ERC2: variants seen among roughly 807,000 people sequenced by gnomAD.
The protein encoded by ERC2 is ELKS/RAB6-interacting/CAST family member 2.
ERC2 carries 42 observed loss-of-function variants against 114.8 expected under a neutral mutation model. That is an observed-to-expected ratio of 0.37 (90% CI 0.29 to 0.47). The LOEUF (loss-of-function observed/expected upper bound fraction) is 0.47, where lower values mean the gene tolerates loss of function less well. Among genes scored for constraint, ERC2 ranks in the 20% least tolerant of loss-of-function variants. The pLI, the probability that ERC2 is intolerant of heterozygous loss-of-function variation, is 0.99. For synonymous variants in ERC2, 454 were observed against 425.5 expected (o/e 1.07, Z -0.82); for missense variants, 939 against 1,150.7 (o/e 0.82, Z 2.66).
intron 2 of ERC2, among the ~76,000 whole-genome samples, chr3:56,325,767 T>C (rs2150437059): frequency 6.6e-6 from 1 of 152,324 alleles, no homozygotes; most frequent in Admixed American, 6.5e-5. Flanking sequence ...TCCCAACCAC[T>C]TTATGAAGTG....
chr3:56,013,851 C>T (rs2073124574), intron 8 of ERC2, among the ~76,000 whole-genome samples: 1 of 151,984 alleles, frequency 6.6e-6, no homozygotes, highest in South Asian at 2.1e-4. Flanking sequence ...GAAATAGGAC[C>T]CAGGAAACTG....
At chr3:55,665,175 A>G (rs1480368325) in intron 17 of ERC2, among the ~76,000 whole-genome samples, 1 of 152,196 alleles carries the variant, frequency 6.6e-6, no homozygotes, top group African/African-American at 2.4e-5. Flanking sequence ...AAAAAAATCA[A>G]GACACTTTCC....
intron 7 of ERC2, among the ~76,000 whole-genome samples, chr3:56,040,430 C>T (rs556168356): frequency 2.2e-4 from 33 of 150,776 alleles, no homozygotes; most frequent in Admixed American, 4.7e-4. Context: ...GCATAGATAG[C>T]TCAGTGTAAT....
intron 3 of ERC2, among the ~76,000 whole-genome samples, chr3:56,181,170 T>A (rs924885023): frequency 6.6e-6 from 1 of 152,226 alleles, no homozygotes; most frequent in African/African-American, 2.4e-5. Context: ...TCAATAAACC[T>A]CTCAGTACAT....
At chr3:55,621,195 T>G (rs187826300) in intron 17 of ERC2, among the ~76,000 whole-genome samples, 1 of 152,262 alleles carries the variant, frequency 6.6e-6, no homozygotes, top group East Asian at 1.9e-4. Context: ...ATCACCTTTT[T>G]TTTCTCCAAA....
intron 15 of ERC2, among the ~76,000 whole-genome samples, chr3:55,706,506 C>G (rs2063497916): frequency 6.6e-6 from 1 of 152,170 alleles, no homozygotes; most frequent in South Asian, 2.1e-4. Context: ...AAGTGATTAC[C>G]CCACCTCAGC....
At chr3:56,382,728 A>C (rs1467385680) in intron 2 of ERC2, among the ~76,000 whole-genome samples, 1 of 151,950 alleles carries the variant, frequency 6.6e-6, no homozygotes, top group Non-Finnish European at 1.5e-5. Context: ...TTCTCTATAT[A>C]TGATTATATT....
chr3:55,701,802 C>A (rs750556708), intron 15 of ERC2, among the ~76,000 whole-genome samples: 1 of 152,120 alleles, frequency 6.6e-6, no homozygotes, highest in South Asian at 2.1e-4. Context: ...TGAAATTTGG[C>A]GTTTACACCT....
chr3:55,954,298 T>C (rs779839355), intron 12 of ERC2, among the ~76,000 whole-genome samples: 3 of 152,170 alleles, frequency 2.0e-5, no homozygotes, highest in Non-Finnish European at 4.4e-5. Flanking sequence ...GATGTCACTA[T>C]TCAAAATTCA....
At chr3:56,462,729 G>T (rs1429562432) in intron 1 of ERC2, among the ~76,000 whole-genome samples, 2 of 152,182 alleles carry the variant, frequency 1.3e-5, no homozygotes, top group Middle Eastern at 3.2e-3. Context: ...ATAGGTGATA[G>T]CACCTACTTT....
chr3:56,111,440 A>G (rs1373929211), intron 6 of ERC2, among the ~76,000 whole-genome samples: 1 of 151,104 alleles, frequency 6.6e-6, no homozygotes, highest in Non-Finnish European at 1.5e-5. Context: ...CACCAGCTCC[A>G]AGAGTGCACC....
At chr3:56,444,960 C>T (rs2062493798) in intron 1 of ERC2, among the ~76,000 whole-genome samples, 1 of 152,210 alleles carries the variant, frequency 6.6e-6, no homozygotes, top group South Asian at 2.1e-4. Flanking sequence ...CAAGCAGTGG[C>T]CACCCAGGAG....
intron 14 of ERC2, among the ~76,000 whole-genome samples, chr3:55,862,509 G>A (rs111978167): frequency 1.5e-4 from 23 of 152,210 alleles, no homozygotes; most frequent in Admixed American, 6.5e-4. Context: ...AACTAGGATG[G>A]CCTAGTTTAT....
chr3:55,759,497 A>AAAAAAAAAAAG (rs2067286797), intron 14 of ERC2, among the ~76,000 whole-genome samples: 1 of 104,780 alleles, frequency 9.5e-6, no homozygotes, highest in African/African-American at 3.3e-5. Flanking sequence ...AAAAAAAAAA[A>AAAAAAAAAAAG]AGGTTAAGGT....
intron 2 of ERC2, among the ~76,000 whole-genome samples, chr3:56,328,171 C>G (rs1429809755): frequency 2.0e-5 from 3 of 152,110 alleles, no homozygotes; most frequent in Non-Finnish European, 4.4e-5. Flanking sequence ...GGGCTCCATG[C>G]AGAAGACCGA....
intron 3 of ERC2, among the ~76,000 whole-genome samples, chr3:56,213,765 C>G (rs535526803): frequency 3.9e-5 from 6 of 152,174 alleles, no homozygotes; most frequent in African/African-American, 1.2e-4. Flanking sequence ...AGGCACCCCC[C>G]AGTAGGGGCA....
intron 3 of ERC2, among the ~76,000 whole-genome samples, chr3:56,202,556 A>C (rs1159893888): frequency 1.3e-5 from 2 of 149,112 alleles, no homozygotes; most frequent in Admixed American, 1.4e-4. Context: ...ATGGGGGTAT[A>C]AATGACCAAA....
intron 2 of ERC2, among the ~76,000 whole-genome samples, chr3:56,422,919 C>A (rs2061438597): frequency 6.6e-6 from 1 of 152,204 alleles, no homozygotes; most frequent in South Asian, 2.1e-4. Flanking sequence ...ATGCTTACTT[C>A]CCCTCCCCTT....
chr3:55,779,160 C>T (rs545342532), intron 14 of ERC2, among the ~76,000 whole-genome samples: 1 of 151,824 alleles, frequency 6.6e-6, no homozygotes, highest in South Asian at 2.1e-4. Flanking sequence ...CTTTCAAGAA[C>T]AGACCAATGT....
Sources: allele counts gnomAD v4.1 joint callset (sites outside exome capture counted in the v4.1 genomes callset), GRCh38; gene constraint gnomAD v4.1.1; transcripts MANE v1.5; gene names NCBI Gene and HGNC (gene_info 2026-07-23, HGNC 2026-07-21).